The following COMMD7 variants were observed in gnomAD, a reference collection of about 807,000 sequenced individuals.
COMMD7 encodes the protein COMM domain-containing protein 7.
A neutral mutation model predicts 34.8 loss-of-function variants in COMMD7; 28 were observed. The ratio of observed to expected loss-of-function variants is 0.80; its 90% CI spans 0.60 to 1.10. The LOEUF is 1.10. Among genes scored for constraint, COMMD7 ranks in the 50% least tolerant of loss-of-function variants. The probability of loss-of-function intolerance (pLI) is 0.00; values close to 1 mark genes in which losing one functional copy is unlikely to be tolerated. For missense variants in COMMD7, 211 were observed against 241.6 expected (o/e 0.87, Z 0.84); for synonymous variants, 80 against 86.4 (o/e 0.93, Z 0.41).
At chr20:32,737,195 TATATAC>T (rs1986175913) in intron 1 of COMMD7, among the ~76,000 whole-genome samples, 1 of 145,538 alleles carries the variant, frequency 6.9e-6, no homozygotes, top group African/African-American at 2.6e-5. Context: ...AAAAAAGAAA[TATATAC>T]ATATACATAT....
chr20:32,708,967 C>G (rs1439671419), intron 3 of COMMD7, among the ~76,000 whole-genome samples: 2 of 152,050 alleles, frequency 1.3e-5, no homozygotes, highest in African/African-American at 4.8e-5. Context: ...CCACCATGCC[C>G]AGCTATTATT....
At chr20:32,712,744 C>T (rs1461205604) in intron 3 of COMMD7, among the ~76,000 whole-genome samples, 3 of 127,690 alleles carry the variant, frequency 2.3e-5, no homozygotes, top group Non-Finnish European at 3.3e-5. Context: ...TTTTTTGACA[C>T]GGAGACTTTT....
intron 5 of COMMD7, 73 bp downstream of exon 5, chr20:32,706,510 C>CT: frequency 8.2e-7 from 1 of 1,219,720 alleles, no homozygotes; most frequent in African/African-American, 1.6e-5. Context: ...GCGACTCCAT[C>CT]TCAAAAAAAA....
intron 3 of COMMD7, among the ~76,000 whole-genome samples, chr20:32,711,191 G>A (rs1329558436): frequency 6.6e-6 from 1 of 152,116 alleles, no homozygotes; most frequent in African/African-American, 2.4e-5. Flanking sequence ...GAGGTCAGGA[G>A]TTTGAGACCA....
chr20:32,743,380 C>T lies in COMMD7; in HGVS notation c.12G>A (p.Leu4=). Residue 4 remains leucine (L), a synonymous_variant, in exon 1 of 9, where the codon CTG becomes CTA. Coordinates refer to ENST00000278980, the MANE Select transcript of COMMD7 (RefSeq NM_053041.3). The stretch of plus-strand genomic sequence containing the variant: ...CCGGCACCGGGTCCTCAGTGCAGTG[C>T]AGGCGGCCCATGGCGCGCGCCCCAG... MGR[L]HCTEDPVPEA... is the part of the protein sequence containing the mutation. The T allele has an allele frequency of 1.4e-6, 2 of 1,421,128 alleles. No individual in the cohort carries two copies. The highest frequency in any genetic ancestry group is 9.1e-7 in the Non-Finnish European group (1 of 1,093,342). The allele number at this position is 1,421,128 out of a possible 1,614,324, so 88.0% of individuals were successfully genotyped here.
chr20:32,726,867 A>G (rs1422082929), intron 3 of COMMD7, among the ~76,000 whole-genome samples: 2 of 152,156 alleles, frequency 1.3e-5, no homozygotes, highest in African/African-American at 4.8e-5. Context: ...AGGGCAAAGG[A>G]AAGAACCTTC....
chr20:32,704,746 T>G, intron 6 of COMMD7, 68 bp downstream of exon 6: 1 of 1,157,564 alleles, frequency 8.6e-7, no homozygotes. Context: ...CCATAGTGGC[T>G]GTGTCACAGC....
intron 1 of COMMD7, among the ~76,000 whole-genome samples, chr20:32,739,385 C>G (rs569256789): frequency 5.9e-5 from 9 of 152,262 alleles, no homozygotes; most frequent in Non-Finnish European, 1.0e-4. Context: ...GTGTCTCACG[C>G]CTGTAATCCC....
At chr20:32,725,162 G>A (rs1394596766) in intron 3 of COMMD7, among the ~76,000 whole-genome samples, 2 of 151,672 alleles carry the variant, frequency 1.3e-5, no homozygotes, top group African/African-American at 4.8e-5. Flanking sequence ...CAGTCTATGG[G>A]ATATTATATC....
chr20:32,712,913 G>A (rs1484116533), intron 3 of COMMD7, among the ~76,000 whole-genome samples: 2 of 151,656 alleles, frequency 1.3e-5, no homozygotes, highest in Admixed American at 6.6e-5. Flanking sequence ...CACCATGCCC[G>A]GCTAATTTTT....
At position 32,703,456 on chromosome 20, in the gene COMMD7, A is replaced by C; in HGVS notation, c.529T>G (p.Leu177Val). Reference protein sequence around the residue: ...GNQTENVYIELTLPQFYSFLH... With the variant: ...GNQTENVYIEVTLPQFYSFLH... ...AAGCTGTAGAACTGAGGCAAGGTTAATTCTGGGGAGAGAAAATTCAGCTTC... is the reference window on the plus strand; with the variant it reads ...AAGCTGTAGAACTGAGGCAAGGTTACTTCTGGGGAGAGAAAATTCAGCTTC... Residue 177 changes from leucine to valine, a missense_variant and splice_region_variant, in exon 9 of 9, where the codon TTA becomes GTA. Leu to Val is a conservative substitution (Grantham distance 32). Transcript: ENST00000278980. 1 of 1,612,708 alleles carries C rather than the reference A, an allele frequency of 6.2e-7. No individual in the cohort carries two copies. The highest frequency in any genetic ancestry group is 8.5e-7 in the Non-Finnish European group (1 of 1,179,616).
chr20:32,738,417 T>C (rs1026159931), intron 1 of COMMD7, among the ~76,000 whole-genome samples: 1 of 152,092 alleles, frequency 6.6e-6, no homozygotes, highest in East Asian at 1.9e-4. Context: ...TGAAACCTCA[T>C]CTCTATTAAG....
chr20:32,720,052 A>G (rs1275857806), intron 3 of COMMD7, among the ~76,000 whole-genome samples: 1 of 152,214 alleles, frequency 6.6e-6, no homozygotes, highest in African/African-American at 2.4e-5. Flanking sequence ...CTTTTCAGAA[A>G]AGAAACTGAG....
At chr20:32,712,293 A>AAAAAAAAAAAAAAAAG (rs1555823349) in intron 3 of COMMD7, among the ~76,000 whole-genome samples, 2 of 146,928 alleles carry the variant, frequency 1.4e-5, no homozygotes, top group African/African-American at 5.1e-5. Context: ...AAAAAAAAAA[A>AAAAAAAAAAAAAAAAG]AGAGAGAGAT....
intron 3 of COMMD7, among the ~76,000 whole-genome samples, chr20:32,726,633 G>A (rs1038320987): frequency 6.6e-6 from 1 of 152,124 alleles, no homozygotes; most frequent in Non-Finnish European, 1.5e-5. Flanking sequence ...AACCCAGGAA[G>A]TGGAGGTTGC....
intron 3 of COMMD7, among the ~76,000 whole-genome samples, chr20:32,720,024 G>A (rs1197086778): frequency 6.6e-6 from 1 of 152,134 alleles, no homozygotes; most frequent in Non-Finnish European, 1.5e-5. Context: ...ACCGCAATAA[G>A]CTGCTATTAT....
chr20:32,738,241 T>C (rs1277740861), intron 1 of COMMD7, among the ~76,000 whole-genome samples: 1 of 152,126 alleles, frequency 6.6e-6, no homozygotes, highest in Non-Finnish European at 1.5e-5. Flanking sequence ...TTCTCCTGCC[T>C]CAGCCACTTA....
Position 32,722,495 on chromosome 20 carries a change from C to T in COMMD7, c.241+5398G>A, listed in dbSNP as rs529462840. ...ATCCCAGCGCTGTGGGAGGCGTGGCCGGCAGATCACCTGAGGTCAGGAGTT... is the reference window on the plus strand; with the variant it reads ...ATCCCAGCGCTGTGGGAGGCGTGGCTGGCAGATCACCTGAGGTCAGGAGTT... On this transcript the variant is annotated intron_variant, in intron 3 of 8. Transcript: ENST00000278980. Among the ~76,000 whole-genome samples the T allele has an allele frequency of 9.9e-4, 150 of 151,998 alleles. No individual in the cohort carries two copies. In the Middle Eastern group the frequency reaches 0.01, roughly 10 times the overall value.
At chr20:32,704,336 A>C in intron 7 of COMMD7, 104 bp downstream of exon 7, 1 of 1,074,864 alleles carries the variant, frequency 9.3e-7, no homozygotes, top group Non-Finnish European at 1.4e-6. Flanking sequence ...TATATAAGGT[A>C]CTTCAGTAAA....
Sources: gnomAD v4.1 joint callset for allele counts (sites outside exome capture counted in the v4.1 genomes callset) on GRCh38, gnomAD v4.1.1 for gene constraint, MANE v1.5 for transcripts, NCBI Gene and HGNC (gene_info 2026-07-23, HGNC 2026-07-21) for gene names.